Variants in RTL9 observed in about 807,000 individuals in gnomAD.
The protein encoded by RTL9 is retrotransposon Gag-like protein 9.
A neutral mutation model predicts 44.7 loss-of-function variants in RTL9; 19 were observed. The ratio of observed to expected loss-of-function variants is 0.42; its 90% CI spans 0.30 to 0.62. The LOEUF (loss-of-function observed/expected upper bound fraction) is 0.62, where lower values mean the gene tolerates loss of function less well. Ranked by LOEUF, RTL9 falls within the 20% of genes least tolerant of loss-of-function variation. The pLI, the probability that RTL9 is intolerant of heterozygous loss-of-function variation, is 0.16. For synonymous variants in RTL9, 407 were observed against 398.9 expected (o/e 1.02, Z -0.24); for missense variants, 1,105 against 1,080.6 (o/e 1.02, Z -0.32).
chrX:110,416,806 G>A (rs1365274983), upstream of RTL9, among the ~76,000 whole-genome samples: 1 of 112,235 alleles, frequency 8.9e-6, no homozygotes, highest in South Asian at 3.7e-4. Flanking sequence ...TTAGAGGCAA[G>A]GTGGCCCAGT....
chrX:110,419,075 C>A (rs746573264), exon 1 of RTL9: 2 of 112,228 alleles, frequency 1.8e-5, no homozygotes. Flanking sequence ...GCCTCAGCCC[C>A]GCCCTACTGA....
rs867860277 is a variant in RTL9 at position 110,450,744 on chromosome X, C to T, written c.127C>T (p.His43Tyr). 7 of 1,209,443 alleles carry T rather than the reference C, an allele frequency of 5.8e-6. No homozygotes were observed. The African/African-American group carries it at 8.7e-5, about 15-fold the overall frequency. ...GACCAGAGCAGACGTACAGATTCTG[C>T]ATTCTCATGTACAGTTGCCTATAGT... Residue 43 changes from histidine to tyrosine, a missense_variant, in exon 1 of 2, where the codon CAT becomes TAT. By Grantham distance (83) the His-to-Tyr change is moderately conservative. Coordinates refer to ENST00000540313, the Ensembl canonical transcript of RTL9.
intron 1 of RTL9, among the ~76,000 whole-genome samples, chrX:110,409,277 C>G (rs758951075): frequency 9.0e-6 from 1 of 110,831 alleles, no homozygotes; most frequent in Non-Finnish European, 1.9e-5. Flanking sequence ...GAGTTTGCCT[C>G]AAAGCTAGAG....
exon 1 of RTL9, chrX:110,452,345 C>T: frequency 8.3e-7 from 1 of 1,211,903 alleles, no homozygotes; most frequent in African/African-American, 1.7e-5. Flanking sequence ...GAGCAATGTC[C>T]ACCCCACTAA....
At chrX:110,361,127 G>C (rs2068260743) in intron 1 of RTL9, among the ~76,000 whole-genome samples, 1 of 110,570 alleles carries the variant, frequency 9.0e-6, no homozygotes, top group Non-Finnish European at 1.9e-5. Flanking sequence ...AACAAAACCT[G>C]CTGCACTCAC....
Position 110,451,951 on chromosome X carries a change from C to G in RTL9, c.1334C>G (p.Pro445Arg), listed in dbSNP as rs143680258. Residue 445 changes from proline (P) to arginine (R), a missense_variant, in exon 1 of 2, where the codon CCA becomes CGA. Coordinates refer to ENST00000540313, the Ensembl canonical transcript of RTL9. ...ATGACCACCTCACTGATGACAGTCC[C>G]AAGCTCTGGAGTGATGTCCACAGAG... 41 of 1,209,899 alleles carry G rather than the reference C, an allele frequency of 3.4e-5. No individual in the cohort carries two copies. In the African/African-American group the frequency reaches 6.3e-4, roughly 19 times the overall value.
chrX:110,408,319 A>G (rs1474617627), intron 1 of RTL9, among the ~76,000 whole-genome samples: 4 of 112,073 alleles, frequency 3.6e-5, no homozygotes, highest in African/African-American at 1.3e-4. Flanking sequence ...GTGGCTCTCA[A>G]CTGAGACAAT....
chrX:110,406,827 CTGAT>C (rs2068605819), intron 1 of RTL9, among the ~76,000 whole-genome samples: 1 of 112,171 alleles, frequency 8.9e-6, no homozygotes, highest in Non-Finnish European at 1.9e-5. Flanking sequence ...TAAATATTGA[CTGAT>C]TGATGAATGT....
exon 1 of RTL9, chrX:110,453,283 T>C: frequency 1.7e-6 from 2 of 1,211,166 alleles, no homozygotes; most frequent in Non-Finnish European, 2.2e-6. Context: ...ACACTACCAG[T>C]GCGAGCCCCA....
chrX:110,392,581 C>G (rs1193957837), intron 1 of RTL9, among the ~76,000 whole-genome samples: 1 of 112,082 alleles, frequency 8.9e-6, no homozygotes, highest in African/African-American at 3.2e-5. Context: ...CTGTGCCCAG[C>G]CTTCTACCAC....
intron 1 of RTL9, among the ~76,000 whole-genome samples, chrX:110,429,347 A>G (rs922685605): frequency 5.4e-5 from 6 of 111,593 alleles, no homozygotes; most frequent in African/African-American, 2.0e-4. Context: ...GCCAAAAAAC[A>G]GTAGACACTG....
intron 1 of RTL9, among the ~76,000 whole-genome samples, chrX:110,404,115 G>A (rs1419367484): frequency 3.6e-5 from 4 of 112,490 alleles, no homozygotes; most frequent in Non-Finnish European, 5.6e-5. Flanking sequence ...ACTAAAGTAC[G>A]TCATGCTACC....
upstream of RTL9, among the ~76,000 whole-genome samples, chrX:110,447,507 G>T (rs1204883012): frequency 1.8e-5 from 2 of 110,605 alleles, no homozygotes; most frequent in Non-Finnish European, 3.8e-5. Flanking sequence ...CTAATCACTT[G>T]TCTGATTACA....
intron 1 of RTL9, among the ~76,000 whole-genome samples, chrX:110,401,571 T>A (rs2068565189): frequency 9.0e-6 from 1 of 111,682 alleles, no homozygotes; most frequent in Non-Finnish European, 1.9e-5. Flanking sequence ...TGTAGGTGTT[T>A]CTGTGTTGTG....
upstream of RTL9, among the ~76,000 whole-genome samples, chrX:110,417,149 T>C (rs2068683209): frequency 8.9e-6 from 1 of 112,010 alleles, no homozygotes; most frequent in Non-Finnish European, 1.9e-5. Flanking sequence ...CCTAGTGCCA[T>C]CTATCCTTAC....
At chrX:110,453,712 T>C (rs2068962125) in exon 1 of RTL9, 2 of 1,211,819 alleles carry the variant, frequency 1.7e-6, no homozygotes, top group Non-Finnish European at 1.1e-6. Context: ...ACATCATTTA[T>C]GAGAGCCTCA....
chrX:110,452,662 C>T lies in RTL9; in HGVS notation c.2045C>T (p.Ser682Leu), dbSNP rs778113602. The stretch of plus-strand genomic sequence containing the variant: ...ACAGCTTCTGGAGCAATGTCCACAT[C>T]ACAAATGACAGCCACAGTCTCTGGA... The change falls in exon 1 of 2, where the codon TCA becomes TTA. Residue 682 changes from serine (S) to leucine (L), a missense_variant. Ser to Leu is a moderately radical substitution (Grantham distance 145, BLOSUM62 -2). Transcript: ENST00000540313. 27 of 1,209,911 alleles carry T rather than the reference C, an allele frequency of 2.2e-5. No homozygotes were observed. The Admixed American group carries it at 5.7e-4, about 25-fold the overall frequency.
intron 1 of RTL9, among the ~76,000 whole-genome samples, chrX:110,429,458 GT>G (rs554736940): frequency 0.048 from 3,835 of 80,728 alleles, 201 homozygotes; most frequent in African/African-American, 0.15. Context: ...GAGAAAAAGT[GT>G]TTTTTTTTTT....
intron 1 of RTL9, among the ~76,000 whole-genome samples, chrX:110,408,557 G>T (rs1408105447): frequency 8.9e-6 from 1 of 112,191 alleles, no homozygotes; most frequent in Non-Finnish European, 1.9e-5. Context: ...AAAGGGTTTT[G>T]CTTCCCCTGC....
Sources: allele counts gnomAD v4.1 joint callset (sites outside exome capture counted in the v4.1 genomes callset), GRCh38; gene constraint gnomAD v4.1.1; transcripts MANE v1.5; gene names NCBI Gene and HGNC (gene_info 2026-07-23, HGNC 2026-07-21).